Variants in XYLT1 observed in about 807,000 individuals in gnomAD.
XYLT1 encodes beta-D-xylosyltransferase 1.
Under a neutral mutation model 91.3 loss-of-function variants are expected in XYLT1, and 36 were observed. The ratio of observed to expected loss-of-function variants is 0.39; its 90% CI spans 0.30 to 0.52. The LOEUF (loss-of-function observed/expected upper bound fraction) is 0.52. Among genes scored for constraint, XYLT1 ranks in the 20% least tolerant of loss-of-function variants. The pLI is 0.68. For synonymous variants in XYLT1, 588 were observed against 532.0 expected, an observed-to-expected ratio of 1.11 and a Z score of -1.45; for missense variants, 1,242 against 1,284.5, an observed-to-expected ratio of 0.97 and a Z score of 0.51.
intron 6 of XYLT1, among the ~76,000 whole-genome samples, chr16:17,153,249 G>T (rs966980251): frequency 6.6e-6 from 1 of 152,148 alleles, no homozygotes; most frequent in Admixed American, 6.5e-5. Flanking sequence ...CCATCTTACA[G>T]ATGAGAAAAC....
At position 17,108,752 on chromosome 16, in the gene XYLT1, G is replaced by T. The variant is rs777372207; in HGVS notation, c.2823C>A (p.Phe941Leu). 6.8e-6 allele frequency: 11 copies of T among 1,606,698 alleles called. No individual in the cohort carries two copies. The highest frequency in any genetic ancestry group is 1.7e-5 in the Admixed American group (1 of 59,956). Residue 941 changes from phenylalanine to leucine, a missense_variant, in exon 12 of 12, where the codon TTC becomes TTA. Phe to Leu is a conservative substitution (Grantham distance 22, BLOSUM62 0). Around this residue, in one of 3 missense-constraint regions of XYLT1, gnomAD observed 511 missense variants for 497.0 expected, o/e 1.03. Transcript: ENST00000261381. ...CCAGCTCCGACTTGGGGTCAGGGCT[G>T]AAGGAGCTCCAGGCCGTCTGGCTGC... The part of the protein sequence containing the change: ...QTCSQTAWSS[F>L]SPDPKSELGA...
At chr16:17,294,165 C>G (rs2034275298) in intron 2 of XYLT1, among the ~76,000 whole-genome samples, 2 of 152,114 alleles carry the variant, frequency 1.3e-5, no homozygotes, top group Admixed American at 1.3e-4. Context: ...AGCAGAGCCT[C>G]AAAATTTGGT....
At chr16:17,292,105 C>CACACACAT (rs1491509347) in intron 2 of XYLT1, among the ~76,000 whole-genome samples, 310 of 137,610 alleles carry the variant, frequency 2.3e-3, no homozygotes, top group African/African-American at 7.4e-3. Flanking sequence ...CACACACACA[C>CACACACAT]ATATACACAT....
At chr16:17,190,929 C>T (rs1008724510) in intron 5 of XYLT1, among the ~76,000 whole-genome samples, 1 of 152,138 alleles carries the variant, frequency 6.6e-6, no homozygotes, top group African/African-American at 2.4e-5. Flanking sequence ...CATCTCTGTG[C>T]CTCAGTTTAT....
At chr16:17,268,113 G>A (rs1034996485) in intron 2 of XYLT1, among the ~76,000 whole-genome samples, 7 of 152,010 alleles carry the variant, frequency 4.6e-5, no homozygotes, top group African/African-American at 1.7e-4. Context: ...TCTCTCATGA[G>A]TGTACAGTGG....
At chr16:17,309,498 T>C (rs1238875316) in intron 2 of XYLT1, among the ~76,000 whole-genome samples, 1 of 152,150 alleles carries the variant, frequency 6.6e-6, no homozygotes, top group East Asian at 1.9e-4. Flanking sequence ...GCTTCAGCCA[T>C]AATGAACGGG....
chr16:17,110,589 C>T (rs1238791942), intron 11 of XYLT1, among the ~76,000 whole-genome samples: 1 of 152,140 alleles, frequency 6.6e-6, no homozygotes, highest in Non-Finnish European at 1.5e-5. Context: ...TTATAAATTA[C>T]CCAGCCTCAG....
rs750019675 is a variant in XYLT1 at position 17,138,347 on chromosome 16, A to G, written c.1764+8T>C. 5.0e-6 allele frequency: 8 copies of G among 1,607,172 alleles called. No individual in the cohort carries two copies. The South Asian group carries it at 5.5e-5, about 11-fold the overall frequency. On this transcript the variant is annotated splice_region_variant and intron_variant, in intron 8 of 11. Coordinates refer to ENST00000261381, the MANE Select transcript of XYLT1 (RefSeq NM_022166.4). ...TTAGGAGGCTGGCAGACCATGAGAA[A>G]GTCTCACCTGGAAGCGGTGGAAGTC...
At chr16:17,302,038 C>T (rs776841677) in intron 2 of XYLT1, among the ~76,000 whole-genome samples, 4 of 151,988 alleles carry the variant, frequency 2.6e-5, no homozygotes, top group Non-Finnish European at 4.4e-5. Flanking sequence ...ATGGTGAAAC[C>T]CCATCTCTAC....
At chr16:17,133,696 C>CACAAT (rs1567287731) in intron 9 of XYLT1, among the ~76,000 whole-genome samples, 2 of 152,016 alleles carry the variant, frequency 1.3e-5, no homozygotes, top group African/African-American at 4.8e-5. Context: ...GGGTACACAA[C>CACAAT]GTGAAAGTCT....
intron 3 of XYLT1, among the ~76,000 whole-genome samples, chr16:17,207,843 G>T (rs2032683688): frequency 6.6e-6 from 1 of 152,132 alleles, no homozygotes; most frequent in Admixed American, 6.5e-5. Flanking sequence ...GGTCCACAGA[G>T]GGGAGCTGAA....
In XYLT1 at chr16:17,470,758, G is replaced by A; in HGVS notation, c.39C>T (p.Arg13=). The part of the protein sequence containing the change: ...AAPCARRLAR[R]SHSALLAALT... ...GCGCCGCGAGCAGCGCCGAGTGCGA[G>A]CGCCGGGCCAGCCTCCGGGCGCACG... Residue 13 remains arginine (R), a synonymous_variant, in exon 1 of 12, where the codon CGC becomes CGT. Coordinates refer to ENST00000261381, the MANE Select transcript of XYLT1 (RefSeq NM_022166.4). 9.2e-7 allele frequency: 1 copy of A among 1,090,670 alleles called. No individual in the cohort carries two copies. Among genetic ancestry groups the A allele is most frequent in the South Asian group, 2.3e-5 (1 of 43,046 alleles). 67.6% of individuals were successfully genotyped at this position (1,090,670 alleles called of 1,614,324 possible).
At chr16:17,470,326 C>G (rs2036967941) in intron 1 of XYLT1, 108 bp downstream of exon 1, 1 of 1,176,080 alleles carries the variant, frequency 8.5e-7, no homozygotes, top group African/African-American at 1.6e-5. Context: ...AGTCGGTAGG[C>G]TTGCAGAGTC....
chr16:17,299,601 C>T (rs1003523066), intron 2 of XYLT1, among the ~76,000 whole-genome samples: 2 of 152,138 alleles, frequency 1.3e-5, no homozygotes, highest in Non-Finnish European at 2.9e-5. Context: ...GCTGAGGTCG[C>T]CATATGTGGG....
chr16:17,337,926 G>A (rs59227087), intron 2 of XYLT1, among the ~76,000 whole-genome samples: 10 of 151,960 alleles, frequency 6.6e-5, no homozygotes, highest in East Asian at 1.9e-4. Flanking sequence ...ACAGGCATGC[G>A]CCACCACGTC....
intron 9 of XYLT1, among the ~76,000 whole-genome samples, chr16:17,130,599 G>C (rs764234879): frequency 6.6e-5 from 10 of 152,016 alleles, no homozygotes; most frequent in African/African-American, 1.2e-4. Context: ...TCAGCCTCCC[G>C]AGTAGCTGGG....
At chr16:17,126,934 A>G (rs563335989) in intron 10 of XYLT1, among the ~76,000 whole-genome samples, 2 of 152,336 alleles carry the variant, frequency 1.3e-5, no homozygotes, top group East Asian at 3.9e-4. Context: ...GTGAACAATC[A>G]ATGAGTGACC....
intron 5 of XYLT1, among the ~76,000 whole-genome samples, chr16:17,180,289 G>A (rs1025359544): frequency 2.0e-5 from 3 of 152,194 alleles, no homozygotes; most frequent in African/African-American, 7.2e-5. Flanking sequence ...GGATTAATGG[G>A]ACTATTTAGC....
chr16:17,318,375 C>G (rs998803599), intron 2 of XYLT1, among the ~76,000 whole-genome samples: 1 of 152,162 alleles, frequency 6.6e-6, no homozygotes, highest in Non-Finnish European at 1.5e-5. Flanking sequence ...CATGGCTTTT[C>G]GGGGGAGGAG....
Sources: allele counts gnomAD v4.1 joint callset (sites outside exome capture counted in the v4.1 genomes callset), GRCh38; gene constraint gnomAD v4.1.1; regional missense constraint gnomAD v4.1.1; transcripts MANE v1.5; gene names NCBI Gene and HGNC (gene_info 2026-07-23, HGNC 2026-07-21).